Variants in HMGCLL1 observed in about 807,000 individuals in gnomAD.
HMGCLL1 encodes the protein 3-hydroxymethyl-3-methylglutaryl-CoA lyase, cytoplasmic.
HMGCLL1 carries 36 observed loss-of-function variants against 39.1 expected under a neutral mutation model. The observed-to-expected ratio is 0.92, with a 90% CI of 0.71 to 1.22. HMGCLL1 has a LOEUF of 1.22. Ranked by LOEUF, HMGCLL1 falls within the 50% of genes most tolerant of loss-of-function variation. The pLI, the probability that HMGCLL1 is intolerant of heterozygous loss-of-function variation, is 0.00. For synonymous variants in HMGCLL1, 149 were observed against 144.0 expected, an observed-to-expected ratio of 1.03 and a Z score of -0.25; for missense variants, 451 against 416.5, an observed-to-expected ratio of 1.08 and a Z score of -0.72.
At chr6:55,611,604 G>T in the HMGCLL1 span, among the ~76,000 whole-genome samples, 321 of 152,180 alleles carry the variant, frequency 2.1e-3, 1 homozygote, top group African/African-American at 7.3e-3. Flanking sequence ...ACCTCAAAAA[G>T]CTTATCCACC....
At chr6:55,564,538 A>G (rs886990388) in intron 1 of HMGCLL1, among the ~76,000 whole-genome samples, 2 of 152,120 alleles carry the variant, frequency 1.3e-5, no homozygotes, top group Admixed American at 1.3e-4. Flanking sequence ...GGTCTCTTAT[A>G]AACAAGATTA....
At chr6:55,519,486 GC>G (rs1767923669) in intron 3 of HMGCLL1, among the ~76,000 whole-genome samples, 1 of 152,088 alleles carries the variant, frequency 6.6e-6, no homozygotes, top group African/African-American at 2.4e-5. Flanking sequence ...TAGCTTTTGT[GC>G]TTGATGCTAT....
intron 5 of HMGCLL1, among the ~76,000 whole-genome samples, chr6:55,510,048 A>C (rs2127433686): frequency 6.6e-6 from 1 of 151,988 alleles, no homozygotes; most frequent in East Asian, 1.9e-4. Context: ...TGTCTCTATT[A>C]GTTGAAAAAA....
chr6:55,597,679 T>C, the HMGCLL1 span, among the ~76,000 whole-genome samples: 4 of 152,056 alleles, frequency 2.6e-5, no homozygotes, highest in African/African-American at 9.7e-5. Context: ...AATGGTAAAA[T>C]AAAGTAATTA....
intron 1 of HMGCLL1, among the ~76,000 whole-genome samples, chr6:55,566,874 A>G (rs1246140650): frequency 6.6e-6 from 1 of 152,116 alleles, no homozygotes; most frequent in Non-Finnish European, 1.5e-5. Context: ...TTACTACTCA[A>G]AGATATATTT....
At chr6:55,621,657 A>G in the HMGCLL1 span, among the ~76,000 whole-genome samples, 1 of 151,974 alleles carries the variant, frequency 6.6e-6, no homozygotes, top group Non-Finnish European at 1.5e-5. Flanking sequence ...GACTGTTTCT[A>G]CATTATGGTG....
intron 7 of HMGCLL1, among the ~76,000 whole-genome samples, chr6:55,450,332 G>A (rs1003199295): frequency 6.6e-6 from 1 of 152,216 alleles, no homozygotes; most frequent in Admixed American, 6.5e-5. Flanking sequence ...AACAAACGAA[G>A]AGCATACAGC....
intron 1 of HMGCLL1, among the ~76,000 whole-genome samples, chr6:55,572,165 A>C (rs542616908): frequency 6.6e-6 from 1 of 152,316 alleles, no homozygotes; most frequent in African/African-American, 2.4e-5. Flanking sequence ...GATAAACTGT[A>C]GGAAGACTTA....
intron 3 of HMGCLL1, among the ~76,000 whole-genome samples, chr6:55,530,457 T>C (rs898477623): frequency 3.3e-5 from 5 of 152,108 alleles, no homozygotes; most frequent in Non-Finnish European, 5.9e-5. Context: ...CTAAAAATTA[T>C]AATTCCAATC....
intron 7 of HMGCLL1, among the ~76,000 whole-genome samples, chr6:55,475,581 T>C (rs1464302516): frequency 2.0e-5 from 3 of 151,668 alleles, no homozygotes; most frequent in Admixed American, 1.3e-4. Flanking sequence ...ATAAGGGTGA[T>C]TTCCAAACTC....
At chr6:55,526,623 C>T (rs963637028) in intron 3 of HMGCLL1, among the ~76,000 whole-genome samples, 6 of 151,850 alleles carry the variant, frequency 4.0e-5, no homozygotes, top group East Asian at 1.9e-4. Flanking sequence ...TGATTTTTTT[C>T]CCACTAATTC....
At chr6:55,630,178 C>T in the HMGCLL1 span, among the ~76,000 whole-genome samples, 1 of 152,212 alleles carries the variant, frequency 6.6e-6, no homozygotes, top group Admixed American at 6.5e-5. Context: ...GGTGGAGCTG[C>T]CTAAGGCTGT....
chr6:55,564,879 C>A (rs1401518395), intron 1 of HMGCLL1, among the ~76,000 whole-genome samples: 10 of 150,938 alleles, frequency 6.6e-5, no homozygotes, highest in Admixed American at 6.6e-4. Flanking sequence ...TTTACAGAGT[C>A]TGAATAACAT....
At chr6:55,546,160 T>A (rs1269385691) in intron 1 of HMGCLL1, among the ~76,000 whole-genome samples, 1 of 152,148 alleles carries the variant, frequency 6.6e-6, no homozygotes, top group Admixed American at 6.6e-5. Context: ...TAAAAATTGT[T>A]CCTCAATACT....
At chr6:55,667,807 T>C in the HMGCLL1 span, among the ~76,000 whole-genome samples, 2 of 151,864 alleles carry the variant, frequency 1.3e-5, no homozygotes, top group African/African-American at 4.8e-5. Flanking sequence ...TATGAACAGA[T>C]GAATGCTTTT....
chr6:55,552,129 AC>A (rs1770364585), intron 1 of HMGCLL1, among the ~76,000 whole-genome samples: 2 of 151,990 alleles, frequency 1.3e-5, no homozygotes, highest in South Asian at 4.1e-4. Context: ...CCAAAAACAA[AC>A]AAACACACAC....
rs749751733 is a variant in HMGCLL1 at position 55,541,737 on chromosome 6, C to A, written c.289G>T (p.Val97Leu). The A allele has an allele frequency of 6.4e-7, 1 of 1,565,450 alleles. No individual in the cohort carries two copies. ...EVTSFVSSRWVPQMADHTEVM... is the reference protein window; with the variant it reads ...EVTSFVSSRWLPQMADHTEVM... ...ATTGTGGGTTTACATACCTGTGGTA[C>A]CCATCTGGAAGACACAAAGCTAGTC... is the stretch of plus-strand genomic sequence containing the variant. Residue 97 changes from valine to leucine, a missense_variant, in exon 3 of 9, where the codon GTA becomes TTA. By Grantham distance (32) the Val-to-Leu change is conservative. Transcript: ENST00000274901.
At chr6:55,475,685 T>G (rs967599401) in intron 7 of HMGCLL1, among the ~76,000 whole-genome samples, 3 of 151,700 alleles carry the variant, frequency 2.0e-5, no homozygotes, top group Admixed American at 1.3e-4. Flanking sequence ...TATTTTCCAC[T>G]GTTAGCCTTT....
chr6:55,665,523 A>C, the HMGCLL1 span, among the ~76,000 whole-genome samples: 1 of 151,700 alleles, frequency 6.6e-6, no homozygotes, highest in Non-Finnish European at 1.5e-5. Flanking sequence ...TGCTGAAACA[A>C]GTGGTACTCC....
Sources: allele counts gnomAD v4.1 joint callset (sites outside exome capture counted in the v4.1 genomes callset), GRCh38; gene constraint gnomAD v4.1.1; transcripts MANE v1.5; gene names NCBI Gene and HGNC (gene_info 2026-07-23, HGNC 2026-07-21).